The following NMI variants were observed in gnomAD, a reference collection of about 807,000 sequenced individuals.
NMI encodes the protein N-myc-interactor.
In NMI, 39 loss-of-function variants were observed where a neutral mutation model predicts 34.3. The observed-to-expected ratio is 1.14, with a 90% confidence interval of 0.88 to 1.49. The LOEUF is 1.49. Among genes scored for constraint, NMI ranks in the 40% most tolerant of loss-of-function variants. The pLI is 0.00. For synonymous variants in NMI, 113 were observed against 120.3 expected (o/e 0.94, Z 0.40); for missense variants, 339 against 358.1 (o/e 0.95, Z 0.43).
At chr2:151,274,676 C>T (rs1166557861) in intron 6 of NMI, among the ~76,000 whole-genome samples, 2 of 151,478 alleles carry the variant, frequency 1.3e-5, no homozygotes, top group African/African-American at 4.9e-5. Flanking sequence ...CGGGGTTTCA[C>T]CATGTTAGTC....
chr2:151,273,721 G>A (rs920353409), intron 6 of NMI, among the ~76,000 whole-genome samples: 2 of 151,918 alleles, frequency 1.3e-5, no homozygotes, highest in African/African-American at 2.4e-5. Flanking sequence ...GGGGTCTCGC[G>A]ATGTTGGCCA....
intron 4 of NMI, chr2:151,278,607 A>G: frequency 2.1e-6 from 1 of 476,800 alleles, no homozygotes; most frequent in Non-Finnish European, 3.8e-6. Context: ...ACCTGGATTA[A>G]GTCCCACAGT....
chr2:151,283,165 G>A (rs563104688), intron 1 of NMI, among the ~76,000 whole-genome samples: 126 of 150,974 alleles, frequency 8.3e-4, no homozygotes, highest in African/African-American at 3.0e-3. Context: ...TTTTGAGACA[G>A]AGTCTCTCTC....
At chr2:151,274,742 C>G (rs1366631622) in intron 6 of NMI, among the ~76,000 whole-genome samples, 1 of 151,956 alleles carries the variant, frequency 6.6e-6, no homozygotes, top group African/African-American at 2.4e-5. Flanking sequence ...TCCCAAAGTG[C>G]TGGGATTACA....
chr2:151,281,970 T>C lies in NMI; in HGVS notation c.155A>G (p.Gln52Arg), dbSNP rs769014958. Residue 52 changes from glutamine (Q) to arginine (R), a missense_variant, in exon 3 of 8, where the codon CAA (glutamine) becomes CGA (arginine). Gln to Arg is a conservative substitution (Grantham distance 43). Transcript: ENST00000243346. ...KEIQKLETELQEATKEFQIKE... is the reference protein window; with the variant it reads ...KEIQKLETELREATKEFQIKE... ...TACCTGGAATTCTTTGGTAGCCTCT[T>C]GTAACTCCGTTTCAAGCTTTTGGAT... is the stretch of plus-strand genomic sequence containing the variant. 1.1e-5 allele frequency: 17 copies of C among 1,553,416 alleles called. 1 individual carries two copies. In the South Asian group the frequency reaches 1.8e-4, roughly 17 times the overall value.
chr2:151,285,400 T>C (rs1002133423), intron 1 of NMI, among the ~76,000 whole-genome samples: 1 of 142,942 alleles, frequency 7.0e-6, no homozygotes, highest in African/African-American at 2.9e-5. Context: ...GATAGATAGA[T>C]AGATAAATAG....
In NMI at chr2:151,282,867, C is replaced by T. The variant is rs779525136; in HGVS notation, c.81+1G>A. The T allele has an allele frequency of 1.4e-6, 2 of 1,436,988 alleles. No homozygotes were observed. The highest frequency in any genetic ancestry group is 1.9e-6 in the Non-Finnish European group (2 of 1,053,064). The allele number at this position is 1,436,988 out of a possible 1,614,324, so 89.0% of individuals were successfully genotyped here. A position where few individuals can be genotyped will look rare whatever the true frequency, so the allele number is the denominator to read the frequency against. ...ATAATACCCAGTAATTTCCTTTTTA[C>T]CTTATTTTGTTCATCTTTTATAAAT... On this transcript the variant is annotated splice_donor_variant, in intron 2 of 7. Transcript: ENST00000243346. LOFTEE classifies it high-confidence loss of function.
chr2:151,282,288 G>A (rs1489069705), intron 2 of NMI, among the ~76,000 whole-genome samples: 3 of 152,228 alleles, frequency 2.0e-5, no homozygotes, highest in African/African-American at 4.8e-5. Context: ...ACACTAGACC[G>A]AAGTCACAGA....
chr2:151,275,942 A>G, intron 4 of NMI, 78 bp from the exon 5 acceptor site: 1 of 950,168 alleles, frequency 1.1e-6, no homozygotes, highest in South Asian at 1.7e-5. Flanking sequence ...AGAACAAATT[A>G]TCCTGAATAT....
chr2:151,288,829 C>A (rs1174750382), intron 1 of NMI: 1 of 152,232 alleles, frequency 6.6e-6, no homozygotes, highest in Non-Finnish European at 1.5e-5. Context: ...TCGGATGTCT[C>A]CTTCAAGAAA....
rs1683234112 is a variant in NMI at position 151,273,968 on chromosome 2, C to T, written c.634+1516G>A. The stretch of plus-strand genomic sequence containing the variant: ...TTCCAAGACAACATATTACTGTAGC[C>T]CTCAAGACCCCTTCCTTTTATAGCT... On this transcript the variant is annotated intron_variant, in intron 6 of 7. Transcript: ENST00000243346. 2.0e-5 allele frequency among the ~76,000 whole-genome samples: 3 copies of T among 152,064 alleles called. No homozygotes were observed. The South Asian group carries it at 6.2e-4, about 32-fold the overall frequency.
At chr2:151,278,755 G>T in intron 4 of NMI, 73 bp downstream of exon 4, 1 of 1,127,466 alleles carries the variant, frequency 8.9e-7, no homozygotes, top group Non-Finnish European at 1.3e-6. Flanking sequence ...AGTAATATTA[G>T]CGAAGTAATA....
At chr2:151,272,029 C>A (rs1203101816) in intron 6 of NMI, among the ~76,000 whole-genome samples, 1 of 152,192 alleles carries the variant, frequency 6.6e-6, no homozygotes, top group Non-Finnish European at 1.5e-5. Flanking sequence ...ATAAAAAATA[C>A]CATAGTCTTT....
intron 3 of NMI, among the ~76,000 whole-genome samples, chr2:151,279,625 C>T (rs1683352453): frequency 1.3e-5 from 2 of 152,126 alleles, no homozygotes; most frequent in Admixed American, 6.5e-5. Flanking sequence ...TACAGGCATG[C>T]GCTACCACAC....
At chr2:151,289,333 C>T (rs552069710) in intron 1 of NMI, among the ~76,000 whole-genome samples, 26 of 151,476 alleles carry the variant, frequency 1.7e-4, no homozygotes, top group African/African-American at 6.0e-4. Flanking sequence ...CTCAATGAAG[C>T]AAAGCAAACA....
chr2:151,289,230 G>A lies in NMI; in HGVS notation c.-7+363C>T, dbSNP rs1195795376. Reference sequence around the variant, plus strand: ...ATCGCGCCACTGCACTCCAGCCTGAGCGACAGAGCGAGACTCCGTCTCAAA... The same window carrying A: ...ATCGCGCCACTGCACTCCAGCCTGAACGACAGAGCGAGACTCCGTCTCAAA... On this transcript the variant is annotated intron_variant, in intron 1 of 7. Coordinates refer to ENST00000243346, the MANE Select transcript of NMI (RefSeq NM_004688.3). Among the ~76,000 whole-genome samples the A allele has an allele frequency of 1.8e-4, 22 of 121,958 alleles. No homozygotes were observed. The Admixed American group carries it at 2.3e-3, about 13-fold the overall frequency. The allele number at this position is 121,958 out of a possible 152,430, so 80.0% of individuals were successfully genotyped here. A position where few individuals can be genotyped will look rare whatever the true frequency, so the allele number is the denominator to read the frequency against.
In NMI at chr2:151,270,803, C is replaced by A. The variant is rs1683169525; in HGVS notation, c.814G>T (p.Val272Leu). The A allele has an allele frequency of 3.1e-6, 5 of 1,613,952 alleles. No individual in the cohort carries two copies. The South Asian group carries it at 4.4e-5, about 14-fold the overall frequency. Residue 272 changes from valine to leucine, a missense_variant, in exon 8 of 8, where the codon GTG becomes TTG. Val to Leu is a conservative substitution (Grantham distance 32). Coordinates refer to ENST00000243346, the MANE Select transcript of NMI (RefSeq NM_004688.3). ...AAGTGAATGTTAATTAAATCCTCCA[C>A]AATTTCTTCATCCATTTGAATGCCT... ...MEGIQMDEEI[V>L]EDLINIHFQR...
At chr2:151,287,840 T>C (rs1683531808) in intron 1 of NMI, among the ~76,000 whole-genome samples, 1 of 152,220 alleles carries the variant, frequency 6.6e-6, no homozygotes, top group Non-Finnish European at 1.5e-5. Flanking sequence ...AATTATGTGG[T>C]ATCTTGACTT....
rs1406318181 is a variant in NMI, at chr2:151,282,024, G to T, written c.101C>A (p.Thr34Lys). ...CTTCTTTAGTTGAATATTTTTCTTT[G>T]TAATTTCATCAATTAGTCCCTTAAA... Reference protein sequence around the residue: ...EQNKGLIDEITKKNIQLKKEI... With the variant: ...EQNKGLIDEIKKKNIQLKKEI... Residue 34 changes from threonine (T) to lysine (K), a missense_variant, in exon 3 of 8, where the codon ACA (threonine) becomes AAA (lysine). Transcript: ENST00000243346. The T allele has an allele frequency of 6.7e-6, 10 of 1,487,554 alleles. No homozygotes were observed. Among genetic ancestry groups the T allele is most frequent in the Non-Finnish European group, 8.4e-6 (9 of 1,069,730 alleles). 92.1% of individuals were successfully genotyped at this position (1,487,554 alleles called of 1,614,324 possible). A position where few individuals can be genotyped will look rare whatever the true frequency, so the allele number is the denominator to read the frequency against.
Sources: gnomAD v4.1 joint callset for allele counts (sites outside exome capture counted in the v4.1 genomes callset) on GRCh38, gnomAD v4.1.1 for gene constraint, MANE v1.5 for transcripts, NCBI Gene and HGNC (gene_info 2026-07-23, HGNC 2026-07-21) for gene names.